Variants in OR2L13 observed in about 807,000 individuals in gnomAD.
The protein encoded by OR2L13 is olfactory receptor family 2 subfamily L member 13.
A neutral mutation model predicts 15.3 loss-of-function variants in OR2L13; 14 were observed. That is an observed-to-expected ratio of 0.91 (90% confidence interval 0.60 to 1.43). The LOEUF is 1.43. Among genes scored for constraint, OR2L13 ranks in the 40% most tolerant of loss-of-function variants. The probability of loss-of-function intolerance (pLI) is 0.00; values close to 1 mark genes in which losing one functional copy is unlikely to be tolerated. For synonymous variants in OR2L13, 152 were observed against 142.9 expected (o/e 1.06, Z -0.45); for missense variants, 367 against 387.9 (o/e 0.95, Z 0.45).
At chr1:248,084,889 A>G in the OR2L13 span, among the ~76,000 whole-genome samples, 1 of 152,100 alleles carries the variant, frequency 6.6e-6, no homozygotes, top group Non-Finnish European at 1.5e-5. Context: ...TGTGACTAAT[A>G]ACACTTCATT....
the OR2L13 span, among the ~76,000 whole-genome samples, chr1:248,002,436 T>A: frequency 0.032 from 4,223 of 130,288 alleles, 166 homozygotes; most frequent in African/African-American, 0.14. Flanking sequence ...TGAATTTCAC[T>A]ACAGTGGGTA....
At chr1:247,978,780 G>A in the OR2L13 span, among the ~76,000 whole-genome samples, 1 of 151,832 alleles carries the variant, frequency 6.6e-6, no homozygotes, top group African/African-American at 2.4e-5. Context: ...GGGCTTCCTT[G>A]TGTTGCGTAG....
At chr1:248,067,816 T>C in the OR2L13 span, among the ~76,000 whole-genome samples, 2 of 152,220 alleles carry the variant, frequency 1.3e-5, no homozygotes, top group African/African-American at 4.8e-5. Context: ...TCCGACGGGC[T>C]TAAAAAACGG....
chr1:247,944,420 C>A, the OR2L13 span, among the ~76,000 whole-genome samples: 2 of 151,942 alleles, frequency 1.3e-5, no homozygotes, highest in African/African-American at 4.8e-5. Context: ...GGTGTTAGGC[C>A]CAGCATGCAT....
the OR2L13 span, among the ~76,000 whole-genome samples, chr1:247,994,376 G>C: frequency 3.9e-5 from 6 of 152,102 alleles, no homozygotes; most frequent in Non-Finnish European, 8.8e-5. Flanking sequence ...CAGCCGGGGC[G>C]ACAGAGCGAG....
At chr1:248,012,241 G>T in the OR2L13 span, among the ~76,000 whole-genome samples, 1 of 152,128 alleles carries the variant, frequency 6.6e-6, no homozygotes, top group African/African-American at 2.4e-5. Context: ...TGTTGGGTAG[G>T]AGATGTAAGG....
the OR2L13 span, chr1:248,083,774 G>A: frequency 2.2e-4 from 355 of 1,613,946 alleles, 7 homozygotes; most frequent in South Asian, 3.0e-3. Context: ...TACTATAGAA[G>A]GCTGACACAA....
the OR2L13 span, among the ~76,000 whole-genome samples, chr1:247,945,948 T>C: frequency 6.6e-6 from 1 of 152,162 alleles, no homozygotes; most frequent in Non-Finnish European, 1.5e-5. Context: ...TTGGGTATTG[T>C]TGACATCTTA....
At chr1:248,028,168 A>AAAAAAAAAAAAC in the OR2L13 span, among the ~76,000 whole-genome samples, 1 of 150,586 alleles carries the variant, frequency 6.6e-6, no homozygotes, top group African/African-American at 2.5e-5. Flanking sequence ...AAAAAAAAAA[A>AAAAAAAAAAAAC]ATCATGTCCA....
the OR2L13 span, among the ~76,000 whole-genome samples, chr1:248,031,646 G>A: frequency 6.6e-6 from 1 of 152,192 alleles, no homozygotes; most frequent in Admixed American, 6.5e-5. Context: ...CTCCTAGTGG[G>A]AGGGAGTTTT....
chr1:248,100,253 A>G, exon 3 of OR2L13: 3 of 1,613,396 alleles, frequency 1.9e-6, no homozygotes, highest in South Asian at 1.1e-5. Flanking sequence ...AGCCTGAGGA[A>G]TAAGGAAGTC....
the OR2L13 span, among the ~76,000 whole-genome samples, chr1:248,085,469 C>CAAAAAAAAA: frequency 7.4e-5 from 5 of 67,896 alleles, no homozygotes; most frequent in African/African-American, 2.0e-4. Flanking sequence ...AGAGAAGCAC[C>CAAAAAAAAA]AAAAAAAAAA....
chr1:248,038,838 A>G, the OR2L13 span: 9 of 1,614,034 alleles, frequency 5.6e-6, no homozygotes, highest in Non-Finnish European at 7.6e-6. Flanking sequence ...CTGCACAGAC[A>G]CTTGGGTCTA....
the OR2L13 span, among the ~76,000 whole-genome samples, chr1:248,055,601 C>CA: frequency 2.6e-5 from 4 of 152,050 alleles, no homozygotes; most frequent in Admixed American, 2.6e-4. Context: ...ACTAAAAATA[C>CA]AAAAAATTAG....
chr1:247,981,971 A>T, the OR2L13 span, among the ~76,000 whole-genome samples: 1 of 151,808 alleles, frequency 6.6e-6, no homozygotes, highest in African/African-American at 2.4e-5. Context: ...TCCCGCCACC[A>T]CGCCCGGCTA....
the OR2L13 span, among the ~76,000 whole-genome samples, chr1:247,986,293 G>T: frequency 2.6e-5 from 4 of 152,170 alleles, no homozygotes; most frequent in African/African-American, 9.7e-5. Context: ...TTTGTATAAG[G>T]TGTAAGGAAG....
the OR2L13 span, among the ~76,000 whole-genome samples, chr1:248,070,992 C>G: frequency 2.0e-5 from 3 of 151,996 alleles, no homozygotes. Context: ...CAATAGCTTA[C>G]CAACCAAAAA....
Position 248,099,342 on chromosome 1 carries a change from A to G in OR2L13, c.-18-16A>G, listed in dbSNP as rs78385124. On this transcript the variant is annotated splice_polypyrimidine_tract_variant and intron_variant, in intron 2 of 2. Transcript: ENST00000641714. ...TGTTTTGTGCTTTGCTTTTGTTTCT[A>G]TTTCTCTTTCAACAGTTACAGCAGA... 182,999 of 1,395,832 alleles carry G rather than the reference A, an allele frequency of 0.13. 13,999 individuals are homozygous for G. The highest frequency in any genetic ancestry group is 0.27 in the Admixed American group (14,712 of 53,944). 86.5% of individuals were successfully genotyped at this position (1,395,832 alleles called of 1,614,324 possible).
the OR2L13 span, among the ~76,000 whole-genome samples, chr1:247,972,543 C>T: frequency 6.6e-6 from 1 of 152,168 alleles, no homozygotes; most frequent in African/African-American, 2.4e-5. Context: ...TGGACACATA[C>T]ACTCTCTCAA....
Sources: allele counts gnomAD v4.1 joint callset (sites outside exome capture counted in the v4.1 genomes callset), GRCh38; gene constraint gnomAD v4.1.1; transcripts MANE v1.5; gene names NCBI Gene and HGNC (gene_info 2026-07-23, HGNC 2026-07-21).